Variants in THUMPD2 observed in about 807,000 individuals in gnomAD.
The protein encoded by THUMPD2 is THUMP domain 2 tRNA and snRNA guanosine methyltransferase.
Under a neutral mutation model 49.4 loss-of-function variants are expected in THUMPD2, and 56 were observed. That is an observed-to-expected ratio of 1.13 (90% CI 0.91 to 1.41). The LOEUF is 1.41. Among genes scored for constraint, THUMPD2 ranks in the 40% most tolerant of loss-of-function variants. THUMPD2 has a pLI of 0.00. For missense variants in THUMPD2, 709 were observed against 594.5 expected (o/e 1.19, Z -2.00); for synonymous variants, 237 against 205.2 (o/e 1.15, Z -1.32).
chr2:39,771,751 T>C, intron 1 of THUMPD2, 111 bp from the exon 2 acceptor site: 1 of 1,135,106 alleles, frequency 8.8e-7, no homozygotes, highest in Non-Finnish European at 1.2e-6. Context: ...ATTTCTGAAG[T>C]ATCTACTATT....
chr2:39,755,510 T>G, intron 7 of THUMPD2, 101 bp from the exon 8 acceptor site: 1 of 768,328 alleles, frequency 1.3e-6, no homozygotes, highest in Non-Finnish European at 2.0e-6. Context: ...GTGAAATTAG[T>G]AGATTTTAAA....
chr2:39,776,481 C>T (rs1025983503), intron 1 of THUMPD2, among the ~76,000 whole-genome samples: 2 of 151,698 alleles, frequency 1.3e-5, no homozygotes, highest in Non-Finnish European at 2.9e-5. Context: ...GCAACCTCCG[C>T]CTCCAAGGTT....
At chr2:39,773,842 T>G (rs145291440) in intron 1 of THUMPD2, among the ~76,000 whole-genome samples, 1 of 152,252 alleles carries the variant, frequency 6.6e-6, no homozygotes, top group East Asian at 1.9e-4. Context: ...AGCAACATTA[T>G]TCTACGAATT....
chr2:39,773,586 ATATATATATTTATATTTTAAAAAT>A lies in THUMPD2; in HGVS notation c.127-1970_127-1947del, dbSNP rs1418907007. ...ATATATATATTTATATTTTAAAAAT[ATATATATATTTATATTTTAAAAAT>A]ATATATATATTTATATTTTAAAAAT... On this transcript the variant is annotated intron_variant, in intron 1 of 9. Transcript: ENST00000505747. Among the ~76,000 whole-genome samples the A allele has an allele frequency of 1.8e-3, 257 of 138,982 alleles. 1 individual carries two copies. Among genetic ancestry groups the A allele is most frequent in the African/African-American group, 7.2e-3 (245 of 33,868 alleles). The allele number at this position is 138,982 out of a possible 152,430, so 91.2% of individuals were successfully genotyped here.
chr2:39,770,424 C>T (rs1678160949), intron 2 of THUMPD2, among the ~76,000 whole-genome samples: 1 of 151,998 alleles, frequency 6.6e-6, no homozygotes, highest in Non-Finnish European at 1.5e-5. Flanking sequence ...TCAATATATA[C>T]ATAGACCTAG....
chr2:39,756,794 G>GA (rs1473995232), intron 6 of THUMPD2, among the ~76,000 whole-genome samples: 1 of 152,076 alleles, frequency 6.6e-6, no homozygotes, highest in African/African-American at 2.4e-5. Flanking sequence ...AGGCTAACTA[G>GA]AAGTTGACAT....
chr2:39,774,441 T>A (rs1025162088), intron 1 of THUMPD2, among the ~76,000 whole-genome samples: 1 of 152,232 alleles, frequency 6.6e-6, no homozygotes, highest in African/African-American at 2.4e-5. Flanking sequence ...ATGGTAAAAA[T>A]GATTTAATTA....
chr2:39,777,345 C>A (rs1347723997), intron 1 of THUMPD2, among the ~76,000 whole-genome samples: 1 of 152,116 alleles, frequency 6.6e-6, no homozygotes, highest in African/African-American at 2.4e-5. Flanking sequence ...CGTACTCTAC[C>A]GTGGTGTTAC....
intron 1 of THUMPD2, among the ~76,000 whole-genome samples, chr2:39,777,124 C>G (rs1353282268): frequency 6.6e-6 from 1 of 152,154 alleles, no homozygotes; most frequent in Non-Finnish European, 1.5e-5. Flanking sequence ...TGTATGGGAA[C>G]TAAAATTGAG....
chr2:39,768,317 C>G, intron 4 of THUMPD2, 107 bp downstream of exon 4: 1 of 936,120 alleles, frequency 1.1e-6, no homozygotes, highest in Admixed American at 2.3e-5. Context: ...CCTGTAGATA[C>G]ACTTTTTATA....
At position 39,779,087 on chromosome 2, in the gene THUMPD2, C is replaced by A. The variant is rs1252438005; in HGVS notation, c.126+27G>T. The A allele has an allele frequency of 2.7e-5, 40 of 1,494,154 alleles. No homozygotes were observed. The East Asian group carries it at 1.1e-3, about 41-fold the overall frequency. The allele number at this position is 1,494,154 out of a possible 1,614,324, so 92.6% of individuals were successfully genotyped here. ...GGGCAGGGACAGGGCCGCCCACCTC[C>A]CCAGGCGCGCAGCGAGGCCAACTCA... On this transcript the variant is annotated intron_variant, in intron 1 of 9. Coordinates refer to ENST00000505747, the MANE Select transcript of THUMPD2 (RefSeq NM_025264.5).
intron 5 of THUMPD2, among the ~76,000 whole-genome samples, chr2:39,765,077 A>G (rs1677325899): frequency 6.6e-6 from 1 of 152,202 alleles, no homozygotes; most frequent in Non-Finnish European, 1.5e-5. Context: ...ATATATAATA[A>G]TTTAAAAATG....
intron 9 of THUMPD2, among the ~76,000 whole-genome samples, chr2:39,743,221 A>T (rs1414007624): frequency 1.3e-5 from 2 of 152,202 alleles, no homozygotes; most frequent in African/African-American, 4.8e-5. Flanking sequence ...AATGTGTGTT[A>T]TCAAATTCCC....
Position 39,763,521 on chromosome 2 carries a change from G to A in THUMPD2, c.804-2103C>T, listed in dbSNP as rs1677104902. The stretch of plus-strand genomic sequence containing the variant: ...ACACTGTTTTCTTTCCCTACATTTT[G>A]TATCTCAGTGACTAATACCAGTATT... On this transcript the variant is annotated intron_variant, in intron 5 of 9. Transcript: ENST00000505747. 2.6e-5 allele frequency among the ~76,000 whole-genome samples: 4 copies of A among 151,960 alleles called. No individual in the cohort carries two copies. The South Asian group carries it at 8.3e-4, about 32-fold the overall frequency.
In THUMPD2 at chr2:39,768,512, A is replaced by G. The variant is rs1677856381; in HGVS notation, c.673-11T>C. On this transcript the variant is annotated splice_polypyrimidine_tract_variant and intron_variant, in intron 3 of 9. Coordinates refer to ENST00000505747, the MANE Select transcript of THUMPD2 (RefSeq NM_025264.5). Reference sequence around the variant, plus strand: ...TACTTTTCCTACCTCCTGGAAAAGTACCAAGTTAAAGAAAAGAATACTAAA... The same window carrying G: ...TACTTTTCCTACCTCCTGGAAAAGTGCCAAGTTAAAGAAAAGAATACTAAA... The G allele has an allele frequency of 1.2e-6, 2 of 1,601,422 alleles. No individual in the cohort carries two copies. Among genetic ancestry groups the G allele is most frequent in the Non-Finnish European group, 1.7e-6 (2 of 1,173,348 alleles).
chr2:39,755,411 T>C lies in THUMPD2; in HGVS notation c.964-2A>G. Reference sequence around the variant, plus strand: ...ATCAGCACCTACATAATACACATCCTATGGGGAAATAAATATTTTAAGCAT... The same window carrying C: ...ATCAGCACCTACATAATACACATCCCATGGGGAAATAAATATTTTAAGCAT... On this transcript the variant is annotated splice_acceptor_variant, in intron 7 of 9. Transcript: ENST00000505747. LOFTEE classifies it high-confidence loss of function. 6.6e-7 allele frequency: 1 copy of C among 1,520,450 alleles called. No individual in the cohort carries two copies. The highest frequency in any genetic ancestry group is 8.9e-7 in the Non-Finnish European group (1 of 1,123,240). 94.2% of individuals were successfully genotyped at this position (1,520,450 alleles called of 1,614,324 possible).
Position 39,766,065 on chromosome 2 carries a change from A to C in THUMPD2, c.795T>G (p.Pro265=). 1 of 1,584,456 alleles carries C rather than the reference A, an allele frequency of 6.3e-7. No homozygotes were observed. Among genetic ancestry groups the C allele is most frequent in the Non-Finnish European group, 8.5e-7 (1 of 1,169,606 alleles). Residue 265 remains proline, a synonymous_variant, in exon 5 of 10, where the codon CCT becomes CCG. Transcript: ENST00000505747. ...AAGCTTAGAATATCTACCTGAACAC[A>C]GGAATCCCCACCACAGAGTAAATGT... The part of the protein sequence containing the change: ...LNDIYSVVGI[P]VFRVSLASRA...
In THUMPD2 at chr2:39,766,055, A is replaced by G; in HGVS notation, c.803+2T>C. The G allele has an allele frequency of 6.3e-7, 1 of 1,579,878 alleles. No homozygotes were observed. Among genetic ancestry groups the G allele is most frequent in the Non-Finnish European group, 8.6e-7 (1 of 1,167,786 alleles). On this transcript the variant is annotated splice_donor_variant, in intron 5 of 9. Transcript: ENST00000505747. LOFTEE classifies it high-confidence loss of function. ...GACAAACCGGAAGCTTAGAATATCT[A>G]CCTGAACACAGGAATCCCCACCACA...
At chr2:39,754,105 T>C (rs1385589408) in intron 8 of THUMPD2, among the ~76,000 whole-genome samples, 1 of 152,208 alleles carries the variant, frequency 6.6e-6, no homozygotes, top group East Asian at 1.9e-4. Flanking sequence ...CCTTCATGCC[T>C]ACAAGGTGCT....
Sources: allele counts gnomAD v4.1 joint callset (sites outside exome capture counted in the v4.1 genomes callset), GRCh38; gene constraint gnomAD v4.1.1; transcripts MANE v1.5; gene names NCBI Gene and HGNC (gene_info 2026-07-23, HGNC 2026-07-21).